The following SLC2A8 variants were observed in gnomAD, a reference collection of about 807,000 sequenced individuals.
SLC2A8 encodes the protein solute carrier family 2 member 8.
A neutral mutation model predicts 49.2 loss-of-function variants in SLC2A8; 53 were observed. The observed-to-expected ratio is 1.08, with a 90% confidence interval of 0.86 to 1.35. SLC2A8 has a LOEUF of 1.35. SLC2A8 is among the 40% of genes most tolerant of loss of function. The pLI is 0.00. For missense variants in SLC2A8, 688 were observed against 671.7 expected (o/e 1.02, Z -0.27); for synonymous variants, 299 against 297.0 (o/e 1.01, Z -0.07).
chr9:127,405,876 C>T, intron 9 of SLC2A8: 3 of 540,280 alleles, frequency 5.6e-6, no homozygotes, highest in Non-Finnish European at 1.1e-5. Context: ...GAAGAGTTGA[C>T]AGGGCTGGGC....
Position 127,404,048 on chromosome 9 carries a change from G to A in SLC2A8, c.957G>A (p.Arg319=), listed in dbSNP as rs767169823. 6.3e-7 allele frequency: 1 copy of A among 1,597,246 alleles called. No homozygotes were observed. Among genetic ancestry groups the A allele is most frequent in the South Asian group, 1.1e-5 (1 of 90,622 alleles). Residue 319 remains arginine, a synonymous_variant, in exon 7 of 10, where the codon AGG becomes AGA. Coordinates refer to ENST00000373371, the MANE Select transcript of SLC2A8 (RefSeq NM_014580.5). Reference sequence around the variant, plus strand: ...TCATCATGGACAGAGCAGGGCGGAGGCTGCTCCTGGTCTTGTCAGGTGAGG... The same window carrying A: ...TCATCATGGACAGAGCAGGGCGGAGACTGCTCCTGGTCTTGTCAGGTGAGG... ...AALIMDRAGR[R]LLLVLSGVVM... is the part of the protein sequence containing the mutation.
chr9:127,397,368 C>A lies in SLC2A8; in HGVS notation c.57-8C>A. 6.9e-7 allele frequency: 1 copy of A among 1,458,942 alleles called. No homozygotes were observed. The highest frequency in any genetic ancestry group is 1.3e-5 in the South Asian group (1 of 74,830). The allele number at this position is 1,458,942 out of a possible 1,614,324, so 90.4% of individuals were successfully genotyped here. On this transcript the variant is annotated splice_region_variant and splice_polypyrimidine_tract_variant and intron_variant, in intron 1 of 9. Transcript: ENST00000373371. ...CCGCTCCGCTCACCCTCGGCCCTGTCCCCCCAGCGCGCCCCGCGGCCGCCG... is the reference window on the plus strand; with the variant it reads ...CCGCTCCGCTCACCCTCGGCCCTGTACCCCCAGCGCGCCCCGCGGCCGCCG...
intron 9 of SLC2A8, among the ~76,000 whole-genome samples, chr9:127,406,372 CG>C (rs1217278738): frequency 1.3e-5 from 2 of 151,958 alleles, no homozygotes; most frequent in African/African-American, 2.4e-5. Context: ...CAGGACTGCC[CG>C]GGGAGCACAT....
chr9:127,405,666 G>T (rs2131913600), intron 9 of SLC2A8, 101 bp downstream of exon 9: 3 of 1,454,254 alleles, frequency 2.1e-6, no homozygotes, highest in Non-Finnish European at 9.3e-7. Context: ...GGCCTTACAT[G>T]CAGCCTGAGC....
Position 127,399,832 on chromosome 9 carries a change from C to T in SLC2A8, c.427-75C>T, listed in dbSNP as rs553053724. Reference sequence around the variant, plus strand: ...CCAACCTCTGGTGATCTGCCCGCCTCGGCCTCCCAGAGTGCTGGGATTGCA... The same window carrying T: ...CCAACCTCTGGTGATCTGCCCGCCTTGGCCTCCCAGAGTGCTGGGATTGCA... On this transcript the variant is annotated intron_variant, in intron 3 of 9. Coordinates refer to ENST00000373371, the MANE Select transcript of SLC2A8 (RefSeq NM_014580.5). The surrounding 1 kb of genome is among the most constrained non-coding windows in gnomAD (Gnocchi z 4.2). 2.1e-4 allele frequency: 270 copies of T among 1,289,006 alleles called. 2 individuals are homozygous for T. In the African/African-American group the frequency reaches 3.5e-3, roughly 17 times the overall value. The allele number at this position is 1,289,006 out of a possible 1,614,324, so 79.8% of individuals were successfully genotyped here.
chr9:127,397,272 G>A lies in SLC2A8; in HGVS notation c.42G>A (p.Gly14=), dbSNP rs1018808790. The change falls in exon 1 of 10, where the codon GGG becomes GGA. Residue 14 remains glycine (G), a synonymous_variant. Coordinates refer to ENST00000373371, the MANE Select transcript of SLC2A8 (RefSeq NM_014580.5). ...EDPEETQPLL[G]PPGGSAPRGR... ...CAGAGGAAACCCAGCCGCTTCTGGG[G>A]CCTCCTGGCGGCAGGTGAGCTCCGG... 6.4e-6 allele frequency: 9 copies of A among 1,399,778 alleles called. No individual in the cohort carries two copies. The highest frequency in any genetic ancestry group is 8.3e-6 in the Non-Finnish European group (9 of 1,087,534). 86.7% of individuals were successfully genotyped at this position (1,399,778 alleles called of 1,614,324 possible).
intron 8 of SLC2A8, 120 bp downstream of exon 8, chr9:127,405,111 C>A: frequency 1.8e-6 from 2 of 1,123,068 alleles, no homozygotes; most frequent in Non-Finnish European, 2.5e-6. Flanking sequence ...AAGTTCCAAG[C>A]TCTGCATTTC....
intron 8 of SLC2A8, among the ~76,000 whole-genome samples, 172 bp downstream of exon 8, chr9:127,405,163 G>A (rs561115603): frequency 2.6e-5 from 4 of 152,314 alleles, no homozygotes; most frequent in Admixed American, 6.5e-5. Context: ...GCCCCTCTGC[G>A]TTCCTTTCAC....
chr9:127,406,385 G>A (rs1374910506), intron 9 of SLC2A8, among the ~76,000 whole-genome samples: 1 of 152,200 alleles, frequency 6.6e-6, no homozygotes, highest in African/African-American at 2.4e-5. Context: ...GGAGCACATC[G>A]AGGGGGCCAG....
At position 127,402,738 on chromosome 9, in the gene SLC2A8, C is replaced by T; in HGVS notation, c.708C>T (p.Pro236=). The T allele has an allele frequency of 1.3e-6, 2 of 1,547,946 alleles. No individual in the cohort carries two copies. Among genetic ancestry groups the T allele is most frequent in the African/African-American group, 1.4e-5 (1 of 73,448 alleles). The part of the protein sequence containing the change: ...WGSEQGWEDP[P]IGAEQSFHLA... ...CCGAGCAGGGCTGGGAAGACCCCCC[C>T]ATCGGGGCTGAGCAGGTGAGAGGCT... The change falls in exon 5 of 10, where the codon CCC becomes CCT. Residue 236 remains proline (P), a synonymous_variant. Transcript: ENST00000373371.
At chr9:127,403,325 A>T in intron 5 of SLC2A8, 1 of 366,146 alleles carries the variant, frequency 2.7e-6, no homozygotes, top group Non-Finnish European at 5.1e-6. Flanking sequence ...GGGCTGTAGG[A>T]GGTGCTTAGC....
In SLC2A8 at chr9:127,403,822, G is replaced by A; in HGVS notation, c.867+19G>A. The A allele has an allele frequency of 6.2e-7, 1 of 1,609,988 alleles. No individual in the cohort carries two copies. The highest frequency in any genetic ancestry group is 8.5e-7 in the Non-Finnish European group (1 of 1,177,872). On this transcript the variant is annotated intron_variant, in intron 6 of 9. Coordinates refer to ENST00000373371, the MANE Select transcript of SLC2A8 (RefSeq NM_014580.5). ...GTTCAAGGTAAAAGGGCCCTGCCTG[G>A]CCTGCCTCGTCCAGCCCCCACATAG... is the stretch of plus-strand genomic sequence containing the variant.
At position 127,402,542 on chromosome 9, in the gene SLC2A8, A is replaced by T. The variant is rs770516677; in HGVS notation, c.527-15A>T. 3 of 1,505,288 alleles carry T rather than the reference A, an allele frequency of 2.0e-6. No homozygotes were observed. Among genetic ancestry groups the T allele is most frequent in the Non-Finnish European group, 8.9e-7 (1 of 1,126,498 alleles). 93.2% of individuals were successfully genotyped at this position (1,505,288 alleles called of 1,614,324 possible). A position where few individuals can be genotyped will look rare whatever the true frequency, so the allele number is the denominator to read the frequency against. ...CCTGGCTCTGACGCCAGCCTCCTCC[A>T]CCCACCCCCCGCAGGCTGGGTGCTG... On this transcript the variant is annotated splice_polypyrimidine_tract_variant and intron_variant, in intron 4 of 9. Coordinates refer to ENST00000373371, the MANE Select transcript of SLC2A8 (RefSeq NM_014580.5).
At position 127,397,226 on chromosome 9, in the gene SLC2A8, C is replaced by T. The variant is rs1564211883; in HGVS notation, c.-5C>T. On this transcript the variant is annotated 5_prime_UTR_variant, in exon 1 of 10. Coordinates refer to ENST00000373371, the MANE Select transcript of SLC2A8 (RefSeq NM_014580.5). ...AGAGCTGGCCGATCGGCGTTGGCCG[C>T]CGACATGACGCCCGAGGACCCAGAG... 19 of 1,458,756 alleles carry T rather than the reference C, an allele frequency of 1.3e-5. No homozygotes were observed. Among genetic ancestry groups the T allele is most frequent in the Non-Finnish European group, 1.6e-5 (18 of 1,113,576 alleles). 90.4% of individuals were successfully genotyped at this position (1,458,756 alleles called of 1,614,324 possible). A position where few individuals can be genotyped will look rare whatever the true frequency, so the allele number is the denominator to read the frequency against.
rs886525662 is a variant in SLC2A8 at position 127,407,032 on chromosome 9, G to T, written c.1297-80G>T. The T allele has an allele frequency of 7.1e-6, 11 of 1,542,010 alleles. No homozygotes were observed. In the East Asian group the frequency reaches 2.3e-4, roughly 32 times the overall value. ...TGGGGTCAGGGGACTGGACCCCCTGGTGGCAGAGCTGTCTCAGTGATCGCG... is the reference window on the plus strand; with the variant it reads ...TGGGGTCAGGGGACTGGACCCCCTGTTGGCAGAGCTGTCTCAGTGATCGCG... On this transcript the variant is annotated intron_variant, in intron 9 of 9. Transcript: ENST00000373371.
chr9:127,401,052 G>A (rs1473557027), intron 4 of SLC2A8, among the ~76,000 whole-genome samples: 1 of 152,128 alleles, frequency 6.6e-6, no homozygotes, highest in East Asian at 1.9e-4. Flanking sequence ...CTGAGATCGC[G>A]CCACTGCACT....
chr9:127,397,449 C>T lies in SLC2A8; in HGVS notation c.130C>T (p.Leu44Phe). 1 of 1,487,398 alleles carries T rather than the reference C, an allele frequency of 6.7e-7. No individual in the cohort carries two copies. Among genetic ancestry groups the T allele is most frequent in the Non-Finnish European group, 8.9e-7 (1 of 1,127,112 alleles). The allele number at this position is 1,487,398 out of a possible 1,614,324, so 92.1% of individuals were successfully genotyped here. A position where few individuals can be genotyped will look rare whatever the true frequency, so the allele number is the denominator to read the frequency against. Reference sequence around the variant, plus strand: ...GGGCCCACTCAGCTTCGGCTTCGCGCTCGGCTACAGCTCCCCGGCCATCCC... The same window carrying T: ...GGGCCCACTCAGCTTCGGCTTCGCGTTCGGCTACAGCTCCCCGGCCATCCC... ...ALGPLSFGFALGYSSPAIPSL... is the reference protein window; with the variant it reads ...ALGPLSFGFAFGYSSPAIPSL... Residue 44 changes from leucine (L) to phenylalanine (F), a missense_variant, in exon 2 of 10, where the codon CTC (leucine) becomes TTC (phenylalanine). By Grantham distance (22) the Leu-to-Phe change is conservative. Transcript: ENST00000373371.
In SLC2A8 at chr9:127,407,123, GCC is replaced by G. The variant is rs756278762; in HGVS notation, c.1310_1311del (p.Pro437LeufsTer24). 12 of 1,613,316 alleles carry G rather than the reference GCC, an allele frequency of 7.4e-6. No individual in the cohort carries two copies. The African/African-American group carries it at 1.6e-4, about 22-fold the overall frequency. ...TCCTCTCTCTGCAGGAGGTCCTCAG[GCC>G]CTATGGAGCCTTCTGGCTTGCCTCC... Reference protein sequence around the residue: ...EFSSLMEVLRPYGAFWLASAF... With the variant: ...EFSSLMEVLRXYGAFWLASAF... On this transcript the variant is annotated frameshift_variant, in exon 10 of 10. Coordinates refer to ENST00000373371, the MANE Select transcript of SLC2A8 (RefSeq NM_014580.5). LOFTEE classifies it high-confidence loss of function.
Position 127,402,754 on chromosome 9 carries a change from G to T in SLC2A8, c.723+1G>T. The stretch of plus-strand genomic sequence containing the variant: ...AGACCCCCCCATCGGGGCTGAGCAG[G>T]TGAGAGGCTGGAAGGCAGAGCTGAC... On this transcript the variant is annotated splice_donor_variant, in intron 5 of 9. Coordinates refer to ENST00000373371, the MANE Select transcript of SLC2A8 (RefSeq NM_014580.5). LOFTEE classifies it high-confidence loss of function. 6.5e-7 allele frequency: 1 copy of T among 1,535,442 alleles called. No individual in the cohort carries two copies.
Sources: gnomAD v4.1 joint callset for allele counts (sites outside exome capture counted in the v4.1 genomes callset) on GRCh38, gnomAD v4.1.1 for gene constraint, Gnocchi (gnomAD v3.1) non-coding constraint, MANE v1.5 for transcripts, NCBI Gene and HGNC (gene_info 2026-07-23, HGNC 2026-07-21) for gene names.